MCTP1: variants seen among roughly 807,000 people sequenced by gnomAD.
MCTP1 encodes multiple C2 and transmembrane domain containing 1, also known as multiple C2 and transmembrane domain-containing protein 1.
In MCTP1, 69 loss-of-function variants were observed where a neutral mutation model predicts 120.6. The observed-to-expected ratio is 0.57, with a 90% CI of 0.47 to 0.70. MCTP1 has a LOEUF of 0.70. Ranked by LOEUF, MCTP1 falls within the 30% of genes least tolerant of loss-of-function variation. The pLI is 0.00. For synonymous variants in MCTP1, 529 were observed against 493.1 expected, an observed-to-expected ratio of 1.07 and a Z score of -0.96; for missense variants, 1,203 against 1,248.8, an observed-to-expected ratio of 0.96 and a Z score of 0.55.
chr5:95,090,476 T>G (rs776788640), intron 1 of MCTP1, among the ~76,000 whole-genome samples: 2 of 152,078 alleles, frequency 1.3e-5, no homozygotes, highest in Non-Finnish European at 2.9e-5. Flanking sequence ...GGTCCTTGGC[T>G]TTTTTTGCTA....
At chr5:94,960,655 CAT>C (rs1340910075) in intron 2 of MCTP1, among the ~76,000 whole-genome samples, 1 of 152,108 alleles carries the variant, frequency 6.6e-6, no homozygotes, top group Non-Finnish European at 1.5e-5. Context: ...GGCCAAGAAA[CAT>C]ATGAAAAAAA....
intron 1 of MCTP1, among the ~76,000 whole-genome samples, chr5:95,211,169 C>T (rs962197604): frequency 7.9e-5 from 12 of 152,040 alleles, no homozygotes; most frequent in African/African-American, 2.7e-4. Context: ...TTGCTCTTCT[C>T]GAGGAGTATC....
chr5:95,225,030 T>C (rs1754102084), intron 1 of MCTP1, among the ~76,000 whole-genome samples: 2 of 152,308 alleles, frequency 1.3e-5, no homozygotes, highest in South Asian at 4.1e-4. Flanking sequence ...GAATATAAAG[T>C]AAAACCTAAA....
intron 17 of MCTP1, among the ~76,000 whole-genome samples, chr5:94,819,580 A>C (rs910300022): frequency 1.3e-5 from 2 of 152,192 alleles, no homozygotes; most frequent in Non-Finnish European, 2.9e-5. Context: ...TCTTTGCAGA[A>C]GTGTTCATCT....
intron 1 of MCTP1, among the ~76,000 whole-genome samples, chr5:95,095,993 G>C (rs1895864): frequency 0.49 from 74,940 of 151,844 alleles, 20,720 homozygotes; most frequent in Admixed American, 0.63. Context: ...AGGGAGATGG[G>C]AGTTCCACAC....
chr5:95,082,960 TC>T (rs1306974639), intron 1 of MCTP1, among the ~76,000 whole-genome samples: 1 of 152,188 alleles, frequency 6.6e-6, no homozygotes, highest in Non-Finnish European at 1.5e-5. Flanking sequence ...TATCGGATGA[TC>T]TTTTTTATTT....
At chr5:95,272,171 A>C (rs1421873054) in intron 1 of MCTP1, among the ~76,000 whole-genome samples, 2 of 152,228 alleles carry the variant, frequency 1.3e-5, no homozygotes, top group African/African-American at 4.8e-5. Flanking sequence ...CTGTGTGTGC[A>C]TACGTGTGTA....
At chr5:95,134,398 C>G (rs1342731593) in intron 1 of MCTP1, among the ~76,000 whole-genome samples, 1 of 152,182 alleles carries the variant, frequency 6.6e-6, no homozygotes, top group African/African-American at 2.4e-5. Flanking sequence ...GTGGAACAAA[C>G]CATTCCAGCT....
chr5:94,784,191 G>A (rs2152956785), intron 18 of MCTP1, among the ~76,000 whole-genome samples: 1 of 152,150 alleles, frequency 6.6e-6, no homozygotes, highest in Admixed American at 6.5e-5. Context: ...CAAACTAAAT[G>A]CCTATTTCTA....
intron 1 of MCTP1, among the ~76,000 whole-genome samples, chr5:95,097,573 A>G (rs993219147): frequency 6.9e-6 from 1 of 145,356 alleles, no homozygotes; most frequent in South Asian, 2.2e-4. Flanking sequence ...GCACTGCAAG[A>G]GCAAATAATT....
chr5:95,177,240 T>C (rs1425720394), intron 1 of MCTP1, among the ~76,000 whole-genome samples: 1 of 152,094 alleles, frequency 6.6e-6, no homozygotes, highest in East Asian at 1.9e-4. Flanking sequence ...CCTGTGATTG[T>C]GGAGATTTAA....
chr5:95,056,886 C>T (rs775633526), intron 1 of MCTP1, among the ~76,000 whole-genome samples: 10 of 151,990 alleles, frequency 6.6e-5, no homozygotes, highest in Admixed American at 2.0e-4. Context: ...CACAAACACA[C>T]GCAAATACAT....
intron 19 of MCTP1, among the ~76,000 whole-genome samples, chr5:94,773,080 T>C (rs1561609926): frequency 6.6e-6 from 1 of 152,196 alleles, no homozygotes; most frequent in Non-Finnish European, 1.5e-5. Context: ...CAATGGGTGT[T>C]TAAGCACCAA....
intron 1 of MCTP1, among the ~76,000 whole-genome samples, chr5:95,158,021 T>C (rs1168868742): frequency 2.0e-5 from 3 of 152,224 alleles, no homozygotes; most frequent in Non-Finnish European, 4.4e-5. Flanking sequence ...ACATCTACTA[T>C]ACCTATAATA....
intron 19 of MCTP1, among the ~76,000 whole-genome samples, chr5:94,723,809 A>G (rs1023708780): frequency 3.9e-5 from 6 of 152,158 alleles, no homozygotes; most frequent in Admixed American, 2.6e-4. Context: ...TGCAAACAAC[A>G]GGCATTTTTA....
At chr5:95,096,138 C>T (rs576083797) in intron 1 of MCTP1, among the ~76,000 whole-genome samples, 35 of 152,304 alleles carry the variant, frequency 2.3e-4, no homozygotes, top group Non-Finnish European at 4.9e-4. Flanking sequence ...ATTTGAAAAG[C>T]GCACACCAAT....
chr5:95,151,155 A>ATATATATATATATATATATATATATAT (rs1760863999), intron 1 of MCTP1, among the ~76,000 whole-genome samples: 1 of 144,834 alleles, frequency 6.9e-6, no homozygotes, highest in African/African-American at 2.5e-5. Context: ...ATATATATAT[A>ATATATATATATATATATATATATATAT]GTATTTTTAG....
intron 18 of MCTP1, among the ~76,000 whole-genome samples, chr5:94,788,520 C>G (rs1258384350): frequency 1.3e-5 from 2 of 152,122 alleles, no homozygotes; most frequent in Non-Finnish European, 1.5e-5. Context: ...CTTTCTGAAC[C>G]AAGGACAATA....
intron 1 of MCTP1, among the ~76,000 whole-genome samples, chr5:95,246,930 C>G (rs1028997484): frequency 4.6e-5 from 7 of 152,166 alleles, no homozygotes; most frequent in African/African-American, 1.7e-4. Context: ...AGGATTCCCT[C>G]TTTTTCTATT....
Sources: allele counts gnomAD v4.1 joint callset (sites outside exome capture counted in the v4.1 genomes callset), GRCh38; gene constraint gnomAD v4.1.1; transcripts MANE v1.5; gene names NCBI Gene and HGNC (gene_info 2026-07-23, HGNC 2026-07-21).